The following UPP2 variants were observed in gnomAD, a reference collection of about 807,000 sequenced individuals.
UPP2 encodes the protein uridine phosphorylase 2.
In UPP2, 23 loss-of-function variants were observed where a neutral mutation model predicts 26.7. The observed-to-expected ratio is 0.86, with a 90% CI of 0.62 to 1.22. The LOEUF (loss-of-function observed/expected upper bound fraction) is 1.22. Ranked by LOEUF, UPP2 falls within the 50% of genes most tolerant of loss-of-function variation. The pLI, the probability that UPP2 is intolerant of heterozygous loss-of-function variation, is 0.00. For missense variants in UPP2, 387 were observed against 396.7 expected (o/e 0.98, Z 0.21); for synonymous variants, 127 against 141.3 (o/e 0.90, Z 0.72).
chr2:158,064,868 G>A (rs938257668), intron 3 of UPP2, among the ~76,000 whole-genome samples: 2 of 152,054 alleles, frequency 1.3e-5, no homozygotes, highest in African/African-American at 4.8e-5. Context: ...GCTTTTTTGT[G>A]TCAGGTTTGT....
chr2:158,054,371 T>C (rs1682213426), intron 3 of UPP2, among the ~76,000 whole-genome samples: 1 of 137,808 alleles, frequency 7.3e-6, no homozygotes, highest in South Asian at 2.3e-4. Context: ...TTTTGCTTTG[T>C]TGGTTATTTT....
intron 2 of UPP2, among the ~76,000 whole-genome samples, chr2:158,015,244 C>G (rs1574246209): frequency 6.6e-6 from 1 of 152,196 alleles, no homozygotes; most frequent in Non-Finnish European, 1.5e-5. Flanking sequence ...TCCCACTCCC[C>G]CTTTCCCAGC....
intron 6 of UPP2, among the ~76,000 whole-genome samples, chr2:158,126,987 A>G (rs1683707170): frequency 6.6e-6 from 1 of 152,214 alleles, no homozygotes; most frequent in Admixed American, 6.5e-5. Context: ...TATAAATACC[A>G]AATACTTACA....
Position 158,106,189 on chromosome 2 carries a change from C to T in UPP2, c.153C>T (p.Asn51=), listed in dbSNP as rs142389177. 2.8e-4 allele frequency: 455 copies of T among 1,612,052 alleles called. 2 individuals are homozygous for T. The African/African-American group carries it at 4.0e-3, about 14-fold the overall frequency. Residue 51 remains asparagine, a synonymous_variant, in exon 2 of 7, where the codon AAC becomes AAT. Transcript: ENST00000005756. ...TGGATTTGGGAACAAAAACACACAA[C>T]CTACCAGCAATGTTTGGAGATGTAA... ...YHLDLGTKTH[N]LPAMFGDVKF...
chr2:158,105,953 CA>C (rs1287334780), intron 1 of UPP2, 145 bp from the exon 2 acceptor site: 1 of 633,410 alleles, frequency 1.6e-6, no homozygotes, highest in Admixed American at 3.3e-5. Flanking sequence ...ATAGTGTGGG[CA>C]AATATTAGCC....
In UPP2 at chr2:158,102,034, T is replaced by C; in HGVS notation, c.-30T>C. ...CAATATCTCTCTTTCTTGACATCAATTTAAGGTGACTTTTCACATAGTAGA... is the reference window on the plus strand; with the variant it reads ...CAATATCTCTCTTTCTTGACATCAACTTAAGGTGACTTTTCACATAGTAGA... On this transcript the variant is annotated 5_prime_UTR_variant, in exon 1 of 7. Transcript: ENST00000005756. 6.2e-7 allele frequency: 1 copy of C among 1,608,172 alleles called. No individual in the cohort carries two copies. Among genetic ancestry groups the C allele is most frequent in the Non-Finnish European group, 8.5e-7 (1 of 1,179,176 alleles).
intron 1 of UPP2, among the ~76,000 whole-genome samples, chr2:158,104,534 C>G (rs1348379208): frequency 2.0e-5 from 3 of 151,984 alleles, no homozygotes; most frequent in Non-Finnish European, 4.4e-5. Flanking sequence ...TTTTAAAGCT[C>G]CCTGGTAATT....
rs900027243 is a variant in UPP2 at position 157,997,337 on chromosome 2, A to G, written c.61+2078A>G. On this transcript the variant is annotated intron_variant, in intron 2 of 9. Transcript: ENST00000605860. ...CTTTATTATAAGTTTACCATTTTAT[A>G]ATATACCATTGAACATCTGTAAAGG... Among the ~76,000 whole-genome samples, 5 of 152,140 alleles carry G rather than the reference A, an allele frequency of 3.3e-5. No homozygotes were observed. The South Asian group carries it at 1.0e-3, about 32-fold the overall frequency.
intron 1 of UPP2, among the ~76,000 whole-genome samples, chr2:158,102,500 C>T (rs1683097857): frequency 6.6e-6 from 1 of 152,062 alleles, no homozygotes; most frequent in African/African-American, 2.4e-5. Flanking sequence ...AAAGGGCCTC[C>T]CAGTGCCTGA....
At chr2:158,064,421 T>G (rs1682402526) in intron 3 of UPP2, among the ~76,000 whole-genome samples, 1 of 152,094 alleles carries the variant, frequency 6.6e-6, no homozygotes, top group Non-Finnish European at 1.5e-5. Context: ...GTTCATATCC[T>G]TCACCCACTT....
In UPP2 at chr2:158,121,509, T is replaced by C. The variant is rs1206706846; in HGVS notation, c.555T>C (p.Ser185=). 6.2e-7 allele frequency: 1 copy of C among 1,613,488 alleles called. No individual in the cohort carries two copies. The highest frequency in any genetic ancestry group is 1.3e-5 in the African/African-American group (1 of 75,016). The change falls in exon 5 of 7, where the codon AGT becomes AGC. Residue 185 remains serine, a synonymous_variant. Transcript: ENST00000005756. ...QVILDNIVTR[S]TELDKELSEE... Reference sequence around the variant, plus strand: ...TTTTGGACAACATTGTCACCCGAAGTACTGAACTGGACAAAGAACTGTCTG... The same window carrying C: ...TTTTGGACAACATTGTCACCCGAAGCACTGAACTGGACAAAGAACTGTCTG...
chr2:158,084,652 C>A (rs530333573), intron 3 of UPP2, among the ~76,000 whole-genome samples: 8 of 152,128 alleles, frequency 5.3e-5, no homozygotes, highest in Middle Eastern at 3.4e-3. Flanking sequence ...ATTTGATACA[C>A]CTCGAGTTGA....
chr2:158,058,020 C>T (rs1047925026), intron 3 of UPP2, among the ~76,000 whole-genome samples: 4 of 152,068 alleles, frequency 2.6e-5, no homozygotes, highest in South Asian at 2.1e-4. Context: ...GGCCTGGGCG[C>T]AGTGGCTCAC....
At chr2:158,034,856 G>C (rs539227759) in intron 3 of UPP2, among the ~76,000 whole-genome samples, 50 of 152,124 alleles carry the variant, frequency 3.3e-4, no homozygotes, top group Non-Finnish European at 5.3e-4. Flanking sequence ...CTGTGGAAAG[G>C]TCACTGTCAG....
intron 2 of UPP2, among the ~76,000 whole-genome samples, chr2:158,109,385 T>G (rs1342676255): frequency 6.6e-6 from 1 of 152,230 alleles, no homozygotes; most frequent in Non-Finnish European, 1.5e-5. Flanking sequence ...AGTTTACTTC[T>G]CACTCACATT....
At chr2:158,100,574 G>A (rs1264609390), upstream of UPP2, among the ~76,000 whole-genome samples, 6 of 152,208 alleles carry the variant, frequency 3.9e-5, no homozygotes, top group Admixed American at 1.3e-4. Flanking sequence ...ATTGCCAGTG[G>A]TTCCTGGGAA....
chr2:158,050,766 CAG>C (rs1682142188), intron 3 of UPP2, among the ~76,000 whole-genome samples: 1 of 152,052 alleles, frequency 6.6e-6, no homozygotes, highest in Non-Finnish European at 1.5e-5. Flanking sequence ...GAATTTGAAA[CAG>C]GGTGGAACTC....
chr2:158,033,250 G>A (rs994272639), intron 3 of UPP2, among the ~76,000 whole-genome samples: 5 of 152,192 alleles, frequency 3.3e-5, no homozygotes, highest in African/African-American at 9.7e-5. Context: ...TGGGCAGGCT[G>A]TGTTCCTGTA....
At chr2:158,053,209 G>A (rs147128820) in intron 3 of UPP2, among the ~76,000 whole-genome samples, 26 of 152,302 alleles carry the variant, frequency 1.7e-4, no homozygotes, top group African/African-American at 6.3e-4. Context: ...TGATTTAGAA[G>A]AATAAGTAAG....
Sources: allele counts gnomAD v4.1 joint callset (sites outside exome capture counted in the v4.1 genomes callset), GRCh38; gene constraint gnomAD v4.1.1; transcripts MANE v1.5; gene names NCBI Gene and HGNC (gene_info 2026-07-23, HGNC 2026-07-21).